The following RFTN1 variants were observed in gnomAD, a reference collection of about 807,000 sequenced individuals.
RFTN1 encodes raftlin, lipid raft linker 1, also known as raftlin.
Under a neutral mutation model 46.5 loss-of-function variants are expected in RFTN1, and 26 were observed. That is an observed-to-expected ratio of 0.56 (90% CI 0.41 to 0.78). The LOEUF is 0.78. Ranked by LOEUF, RFTN1 falls within the 30% of genes least tolerant of loss-of-function variation. RFTN1 has a pLI of 0.00. For missense variants in RFTN1, 693 were observed against 718.7 expected (o/e 0.96, Z 0.41); for synonymous variants, 261 against 284.2 (o/e 0.92, Z 0.82).
chr3:16,360,895 A>G (rs1241199664), intron 6 of RFTN1, among the ~76,000 whole-genome samples: 1 of 152,214 alleles, frequency 6.6e-6, no homozygotes, highest in Non-Finnish European at 1.5e-5. Context: ...CTGCCACATG[A>G]GCTCAATATG....
rs1023799720 is a variant in RFTN1 at position 16,339,000 on chromosome 3, A to G, written c.1147-12124T>C. Among the ~76,000 whole-genome samples the G allele has an allele frequency of 7.9e-5, 12 of 152,216 alleles. No homozygotes were observed. Among genetic ancestry groups the G allele is most frequent in the African/African-American group, 2.9e-4 (12 of 41,450 alleles). ...AGGTCTCTGAATAAAGGTTGGTTCA[A>G]AACCTTAAGAGACAGGGAAATGGAG... On this transcript the variant is annotated intron_variant, in intron 7 of 9. Transcript: ENST00000334133. The surrounding 1 kb of genome is among the most constrained non-coding windows in gnomAD (Gnocchi z 5.3).
rs1408231895 is a variant in RFTN1 at position 16,383,060 on chromosome 3, A to G, written c.442-4958T>C. On this transcript the variant is annotated intron_variant, in intron 4 of 9. Coordinates refer to ENST00000334133, the MANE Select transcript of RFTN1 (RefSeq NM_015150.2). This position sits in a 1 kb window ranked among gnomAD's most constrained non-coding sequence, Gnocchi z 4.0. The stretch of plus-strand genomic sequence containing the variant: ...TTTCACATGCATTCCCTTAGGCCTC[A>G]AAATCATACCTTACAGAAGAGAAAA... Among the ~76,000 whole-genome samples, 7 of 152,220 alleles carry G rather than the reference A, an allele frequency of 4.6e-5. No individual in the cohort carries two copies. The highest frequency in any genetic ancestry group is 1.0e-4 in the Non-Finnish European group (7 of 68,032).
intron 2 of RFTN1, among the ~76,000 whole-genome samples, chr3:16,453,160 T>C (rs1401276705): frequency 6.6e-6 from 1 of 152,196 alleles, no homozygotes; most frequent in East Asian, 1.9e-4. Flanking sequence ...TGAGTAAATT[T>C]CCCAAGCCTG....
rs1003171175 is a variant in RFTN1, at chr3:16,500,225, C to T, written c.-8-6348G>A. Among the ~76,000 whole-genome samples, 1 of 152,246 alleles carries T rather than the reference C, an allele frequency of 6.6e-6. No homozygotes were observed. The highest frequency in any genetic ancestry group is 1.5e-5 in the Non-Finnish European group (1 of 68,038). On this transcript the variant is annotated intron_variant, in intron 1 of 9. Coordinates refer to ENST00000334133, the MANE Select transcript of RFTN1 (RefSeq NM_015150.2). This position sits in a 1 kb window ranked among gnomAD's most constrained non-coding sequence, Gnocchi z 5.9. ...AGCTCCACCCTTCCAAATTCCTATG[C>T]TCACCTCACACTGACACCTAATGTC...
rs915311479 is a variant in RFTN1, at chr3:16,504,030, T to C, written c.-9+9412A>G. ...TGCGTGTACTCTTTTACAATCTATA[T>C]ATAACACCCAGAACAACATATGGCA... On this transcript the variant is annotated intron_variant, in intron 1 of 9. Transcript: ENST00000334133. The surrounding 1 kb of genome is among the most constrained non-coding windows in gnomAD (Gnocchi z 4.4). Among the ~76,000 whole-genome samples the C allele has an allele frequency of 2.0e-5, 3 of 152,180 alleles. 1 individual carries two copies. The highest frequency in any genetic ancestry group is 7.2e-5 in the African/African-American group (3 of 41,436).
chr3:16,389,257 A>G (rs1053460939), intron 4 of RFTN1, among the ~76,000 whole-genome samples: 4 of 152,240 alleles, frequency 2.6e-5, no homozygotes, highest in Admixed American at 2.0e-4. Flanking sequence ...CAACAAAAAT[A>G]TAACAGGGTC....
Position 16,400,401 on chromosome 3 carries a change from G to T in RFTN1, c.441+8974C>A, listed in dbSNP as rs1169905461. On this transcript the variant is annotated intron_variant, in intron 4 of 9. Coordinates refer to ENST00000334133, the MANE Select transcript of RFTN1 (RefSeq NM_015150.2). The surrounding 1 kb of genome is among the most constrained non-coding windows in gnomAD (Gnocchi z 4.5). ...ACTGCCAGCCTGGGGCAGGCCCCTT[G>T]CCATGTTCTACTCGACAGCGCTCAC... is the stretch of plus-strand genomic sequence containing the variant. Among the ~76,000 whole-genome samples, 1 of 152,190 alleles carries T rather than the reference G, an allele frequency of 6.6e-6. No individual in the cohort carries two copies. Among genetic ancestry groups the T allele is most frequent in the Non-Finnish European group, 1.5e-5 (1 of 68,046 alleles).
At position 16,450,004 on chromosome 3, in the gene RFTN1, C is replaced by A. The variant is rs1050492607; in HGVS notation, c.146-15967G>T. On this transcript the variant is annotated intron_variant, in intron 2 of 9. Coordinates refer to ENST00000334133, the MANE Select transcript of RFTN1 (RefSeq NM_015150.2). The surrounding 1 kb of genome is among the most constrained non-coding windows in gnomAD (Gnocchi z 4.6). ...GCAGCAGGGGAAAGAGGTGGAATTG[C>A]GGCAGGAATACATTAAGGACATAGC... Among the ~76,000 whole-genome samples the A allele has an allele frequency of 6.6e-6, 1 of 152,118 alleles. No homozygotes were observed. The highest frequency in any genetic ancestry group is 2.4e-5 in the African/African-American group (1 of 41,420).
chr3:16,331,871 T>TTAAC lies in RFTN1; in HGVS notation c.1147-4999_1147-4996dup, dbSNP rs375930797. ...GTGCATTTCTAAAAATGCCTTTGTGTTAACTAATAGTTTAGGTACAGACGT... is the reference window on the plus strand; with the variant it reads ...GTGCATTTCTAAAAATGCCTTTGTGTTAACTAACTAATAGTTTAGGTACAGACGT... On this transcript the variant is annotated intron_variant, in intron 7 of 9. Coordinates refer to ENST00000334133, the MANE Select transcript of RFTN1 (RefSeq NM_015150.2). 7.6e-4 allele frequency among the ~76,000 whole-genome samples: 116 copies of TTAAC among 152,380 alleles called. 1 individual carries two copies. The highest frequency in any genetic ancestry group is 1.6e-3 in the Non-Finnish European group (108 of 68,042).
In RFTN1 at chr3:16,400,266, C is replaced by G. The variant is rs544466069; in HGVS notation, c.441+9109G>C. Among the ~76,000 whole-genome samples the G allele has an allele frequency of 9.2e-5, 14 of 152,322 alleles. No homozygotes were observed. In the South Asian group the frequency reaches 2.3e-3, roughly 25 times the overall value. On this transcript the variant is annotated intron_variant, in intron 4 of 9. Coordinates refer to ENST00000334133, the MANE Select transcript of RFTN1 (RefSeq NM_015150.2). This position sits in a 1 kb window ranked among gnomAD's most constrained non-coding sequence, Gnocchi z 4.5. The stretch of plus-strand genomic sequence containing the variant: ...GCTCCTCAAACCAAACTTACTCCCT[C>G]CCACCTTGGCTTTGTCTGAGCTGCT...
Position 16,451,380 on chromosome 3 carries a change from C to T in RFTN1, c.146-17343G>A, listed in dbSNP as rs1006542098. On this transcript the variant is annotated intron_variant, in intron 2 of 9. Transcript: ENST00000334133. The surrounding 1 kb of genome is among the most constrained non-coding windows in gnomAD (Gnocchi z 4.2). ...ATGCTGGACACGAAGTCTAATAGGGCACTCTCCAGTACACCCATGACTTTC... is the reference window on the plus strand; with the variant it reads ...ATGCTGGACACGAAGTCTAATAGGGTACTCTCCAGTACACCCATGACTTTC... Among the ~76,000 whole-genome samples the T allele has an allele frequency of 6.6e-6, 1 of 152,182 alleles. No homozygotes were observed. The highest frequency in any genetic ancestry group is 1.5e-5 in the Non-Finnish European group (1 of 68,036).
intron 3 of RFTN1, among the ~76,000 whole-genome samples, chr3:16,423,188 T>C (rs2075222813): frequency 6.6e-6 from 1 of 151,168 alleles, no homozygotes; most frequent in Non-Finnish European, 1.5e-5. Flanking sequence ...AAAGTTAGAC[T>C]CCCTGTCTTA....
intron 2 of RFTN1, among the ~76,000 whole-genome samples, chr3:16,470,365 CTGGGCGAGG>C (rs1162492037): frequency 6.6e-6 from 1 of 152,234 alleles, no homozygotes; most frequent in Non-Finnish European, 1.5e-5. Flanking sequence ...AAGTACTGCA[CTGGGCGAGG>C]TTTTGTCTCT....
At position 16,383,005 on chromosome 3, in the gene RFTN1, T is replaced by G. The variant is rs2074046147; in HGVS notation, c.442-4903A>C. The stretch of plus-strand genomic sequence containing the variant: ...CAGCGATTACAGGAAACAGCAACTA[T>G]TAACATTGCACAGCTCTTCTACAAA... On this transcript the variant is annotated intron_variant, in intron 4 of 9. Transcript: ENST00000334133. This position sits in a 1 kb window ranked among gnomAD's most constrained non-coding sequence, Gnocchi z 4.0. Among the ~76,000 whole-genome samples the G allele has an allele frequency of 6.6e-6, 1 of 152,196 alleles. No individual in the cohort carries two copies. The highest frequency in any genetic ancestry group is 1.5e-5 in the Non-Finnish European group (1 of 68,034).
intron 2 of RFTN1, among the ~76,000 whole-genome samples, chr3:16,493,327 G>A (rs1356571970): frequency 2.0e-5 from 3 of 151,950 alleles, no homozygotes; most frequent in African/African-American, 7.3e-5. Flanking sequence ...CGCCTCGTGG[G>A]TTCAAGCAAT....
rs1331219251 is a variant in RFTN1 at position 16,442,063 on chromosome 3, T to C, written c.146-8026A>G. ...GTGGAATAAGTTAAAATGTTTGTTC[T>C]AAGGGCTTTAAAAATTTAGACTTCT... On this transcript the variant is annotated intron_variant, in intron 2 of 9. Coordinates refer to ENST00000334133, the MANE Select transcript of RFTN1 (RefSeq NM_015150.2). The surrounding 1 kb of genome is among the most constrained non-coding windows in gnomAD (Gnocchi z 4.1). Among the ~76,000 whole-genome samples, 1 of 152,220 alleles carries C rather than the reference T, an allele frequency of 6.6e-6. No individual in the cohort carries two copies. The highest frequency in any genetic ancestry group is 6.5e-5 in the Admixed American group (1 of 15,286).
At chr3:16,501,245 G>A (rs938666353) in intron 1 of RFTN1, among the ~76,000 whole-genome samples, 2 of 152,200 alleles carry the variant, frequency 1.3e-5, no homozygotes, top group African/African-American at 4.8e-5. Flanking sequence ...CATTTTAAAT[G>A]TTGAAATGTT....
At chr3:16,395,679 C>A (rs1575216441) in intron 4 of RFTN1, among the ~76,000 whole-genome samples, 1 of 152,118 alleles carries the variant, frequency 6.6e-6, no homozygotes, top group South Asian at 2.1e-4. Context: ...AAACTCCTGG[C>A]CTTAAGCAAT....
rs1217815376 is a variant in RFTN1 at position 16,338,176 on chromosome 3, G to GA, written c.1147-11301dup. On this transcript the variant is annotated intron_variant, in intron 7 of 9. Coordinates refer to ENST00000334133, the MANE Select transcript of RFTN1 (RefSeq NM_015150.2). The surrounding 1 kb of genome is among the most constrained non-coding windows in gnomAD (Gnocchi z 5.3). ...ACGTCAGTTACTTGGAAGGCAGAAA[G>GA]AAGAAAGGGGCTACGGGATGGAAGG... Among the ~76,000 whole-genome samples the GA allele has an allele frequency of 4.6e-5, 7 of 152,216 alleles. No individual in the cohort carries two copies. Among genetic ancestry groups the GA allele is most frequent in the Admixed American group, 2.0e-4 (3 of 15,282 alleles).
Sources: allele counts gnomAD v4.1 joint callset (sites outside exome capture counted in the v4.1 genomes callset), GRCh38; gene constraint gnomAD v4.1.1; non-coding constraint Gnocchi (gnomAD v3.1); transcripts MANE v1.5; gene names NCBI Gene and HGNC (gene_info 2026-07-23, HGNC 2026-07-21).